Variants in DPF2 observed in about 807,000 individuals in gnomAD.
DPF2 encodes zinc finger protein ubi-d4.
Under a neutral mutation model 59.6 loss-of-function variants are expected in DPF2, and 10 were observed. The ratio of observed to expected loss-of-function variants is 0.17; its 90% CI spans 0.10 to 0.28. DPF2 has a LOEUF of 0.28. DPF2 is among the 10% of genes least tolerant of loss of function. The pLI is 1.00. For synonymous variants in DPF2, 189 were observed against 190.6 expected (o/e 0.99, Z 0.07); for missense variants, 315 against 509.4 (o/e 0.62, Z 3.67).
At chr11:65,349,037 G>A in intron 10 of DPF2, 106 bp downstream of exon 10, 1 of 1,322,390 alleles carries the variant, frequency 7.6e-7, no homozygotes, top group Non-Finnish European at 1.1e-6. Context: ...TTCCAAATTA[G>A]GGAGTAAAGC....
At chr11:65,344,496 G>C in intron 6 of DPF2, 1 of 1,407,494 alleles carries the variant, frequency 7.1e-7, no homozygotes, top group Non-Finnish European at 9.7e-7. Context: ...TTTCTCTCTC[G>C]TTTGCTCTGC....
At chr11:65,351,104 G>A (rs4647593) in intron 10 of DPF2, among the ~76,000 whole-genome samples, 3,091 of 152,150 alleles carry the variant, frequency 0.02, 123 homozygotes, top group African/African-American at 0.07. Context: ...TTGACCTTTG[G>A]GTTAGAAAGG....
At position 65,340,508 on chromosome 11, in the gene DPF2, T is replaced by C. The variant is rs751814026; in HGVS notation, c.156T>C (p.Asn52=). Residue 52 remains asparagine, a synonymous_variant, in exon 2 of 11, where the codon AAT becomes AAC. Coordinates refer to ENST00000528416, the MANE Select transcript of DPF2 (RefSeq NM_006268.5). The part of the protein sequence containing the change: ...LDSQTGVAQS[N]CYIWMEKRHR... The stretch of plus-strand genomic sequence containing the variant: ...CACAGACCGGAGTAGCCCAGAGCAA[T>C]TGTTACATCTGGATGGAAAAGCGAC... 3.1e-6 allele frequency: 5 copies of C among 1,614,130 alleles called. No homozygotes were observed. The East Asian group carries it at 8.9e-5, about 29-fold the overall frequency.
At chr11:65,346,200 C>T (rs771389355) in intron 8 of DPF2, 47 bp from the exon 9 acceptor site, 3 of 1,600,360 alleles carry the variant, frequency 1.9e-6, no homozygotes, top group South Asian at 1.1e-5. Context: ...CTCCTCTCTT[C>T]CCCCCGCATT....
At chr11:65,343,255 C>T (rs1050911935) in intron 4 of DPF2, among the ~76,000 whole-genome samples, 7 of 146,438 alleles carry the variant, frequency 4.8e-5, no homozygotes, top group East Asian at 2.0e-4. Flanking sequence ...GCCAGTATTG[C>T]GCCATTGCAC....
intron 1 of DPF2, among the ~76,000 whole-genome samples, chr11:65,340,101 A>C (rs553701639): frequency 1.3e-5 from 2 of 152,320 alleles, no homozygotes; most frequent in Non-Finnish European, 2.9e-5. Context: ...AGACACGTGG[A>C]GTGAACATTC....
At position 65,352,725 on chromosome 11, in the gene DPF2, A is replaced by G. The variant is rs1854752414; in HGVS notation, c.*966A>G. 1 of 152,604 alleles carries G rather than the reference A, an allele frequency of 6.6e-6. No individual in the cohort carries two copies. Among genetic ancestry groups the G allele is most frequent in the African/African-American group, 2.4e-5 (1 of 41,426 alleles). The allele number at this position is 152,604 out of a possible 1,614,324, so 9.5% of individuals were successfully genotyped here. A position where few individuals can be genotyped will look rare whatever the true frequency, so the allele number is the denominator to read the frequency against. On this transcript the variant is annotated 3_prime_UTR_variant, in exon 11 of 11. Coordinates refer to ENST00000528416, the MANE Select transcript of DPF2 (RefSeq NM_006268.5). ...CTCAGCTCATGGGGAAGCCACATAG[A>G]CATCCCTTTCTTCCCTTGCACGCTC...
Position 65,344,317 on chromosome 11 carries a change from A to G in DPF2, c.637+248A>G, listed in dbSNP as rs568736235. 1.8e-4 allele frequency: 108 copies of G among 614,812 alleles called. 1 individual carries two copies. The Admixed American group carries it at 2.6e-3, about 15-fold the overall frequency. The allele number at this position is 614,812 out of a possible 1,614,324, so 38.1% of individuals were successfully genotyped here. A position where few individuals can be genotyped will look rare whatever the true frequency, so the allele number is the denominator to read the frequency against. ...GGGTAGGGTTGCTTGTGGGGGCCAC[A>G]GCAGGCAGGGTTGGCCTCTCAACAG... is the stretch of plus-strand genomic sequence containing the variant. On this transcript the variant is annotated intron_variant, in intron 6 of 10. Transcript: ENST00000528416.
chr11:65,343,299 C>CAAAAAAAAAAAAAA (rs529933254), intron 4 of DPF2, among the ~76,000 whole-genome samples: 1 of 58,024 alleles, frequency 1.7e-5, no homozygotes, highest in East Asian at 6.3e-4. Flanking sequence ...AACTCTGTCT[C>CAAAAAAAAAAAAAA]AAAAAAAAAA....
At chr11:65,350,354 C>CT (rs1457332776) in intron 10 of DPF2, among the ~76,000 whole-genome samples, 2 of 148,632 alleles carry the variant, frequency 1.3e-5, no homozygotes, top group African/African-American at 5.0e-5. Context: ...TTTCTTTTCT[C>CT]TTTTTCTTTT....
chr11:65,344,807 C>A (rs1019243655), intron 6 of DPF2: 10 of 661,060 alleles, frequency 1.5e-5, no homozygotes, highest in Non-Finnish European at 2.5e-5. Flanking sequence ...TTTACCACTG[C>A]TTGTTTCCCA....
At position 65,346,372 on chromosome 11, in the gene DPF2, GC is replaced by G; in HGVS notation, c.1017+18del. On this transcript the variant is annotated intron_variant, in intron 9 of 10. Transcript: ENST00000528416. ...CTCCGAGAATGACGTGTGTATCCCCGCCCCCTCCTCAGCATGGCTCCTTCTG... is the reference window on the plus strand; with the variant it reads ...CTCCGAGAATGACGTGTGTATCCCCGCCCCTCCTCAGCATGGCTCCTTCTG... 6.2e-7 allele frequency: 1 copy of G among 1,604,972 alleles called. No homozygotes were observed.
chr11:65,345,503 G>A, intron 6 of DPF2, 163 bp from the exon 7 acceptor site: 1 of 965,370 alleles, frequency 1.0e-6, no homozygotes. Context: ...GATGCTCCTG[G>A]CTGAGGGGAA....
In DPF2 at chr11:65,344,000, G is replaced by A; in HGVS notation, c.568G>A (p.Val190Met). The change falls in exon 6 of 11, where the codon GTG becomes ATG. Residue 190 changes from valine to methionine, a missense_variant. Around this residue, in one of 4 missense-constraint regions of DPF2, gnomAD observed 228 missense variants for 275.3 expected, o/e 0.83. Transcript: ENST00000528416. ...RGKGKSKGKG[V>M]GSARKKLDAS... The stretch of plus-strand genomic sequence containing the variant: ...TTGCTCTTCTTGGCAGGGTAAGGGT[G>A]TGGGCAGTGCCCGTAAGAAGCTGGA... 1 of 1,614,230 alleles carries A rather than the reference G, an allele frequency of 6.2e-7. No individual in the cohort carries two copies. Among genetic ancestry groups the A allele is most frequent in the South Asian group, 1.1e-5 (1 of 91,080 alleles).
chr11:65,342,552 G>C (rs1340489504), intron 4 of DPF2, among the ~76,000 whole-genome samples: 2 of 152,190 alleles, frequency 1.3e-5, no homozygotes, highest in African/African-American at 4.8e-5. Context: ...AGCACACTTA[G>C]TCTCTGCCAA....
Position 65,341,241 on chromosome 11 carries a change from TAAGTTA to T in DPF2, c.302-157_302-152del, listed in dbSNP as rs539245948. ...CTAGAAGGGGAGACAGGTAAACAGA[TAAGTTA>T]TGGTGCCAAGTGAACTAGGGTGTCT... is the stretch of plus-strand genomic sequence containing the variant. On this transcript the variant is annotated intron_variant, in intron 3 of 10. Coordinates refer to ENST00000528416, the MANE Select transcript of DPF2 (RefSeq NM_006268.5). 2.5e-3 allele frequency among the ~76,000 whole-genome samples: 382 copies of T among 152,272 alleles called. 2 individuals carry two copies. The highest frequency in any genetic ancestry group is 8.6e-3 in the African/African-American group (357 of 41,562).
chr11:65,341,640 G>C, intron 4 of DPF2, 78 bp downstream of exon 4: 1 of 1,579,384 alleles, frequency 6.3e-7, no homozygotes, highest in Admixed American at 1.8e-5. Flanking sequence ...CTAGTTTCTA[G>C]AACTGAAACA....
intron 1 of DPF2, among the ~76,000 whole-genome samples, chr11:65,338,531 G>A (rs1037801634): frequency 2.0e-5 from 3 of 152,178 alleles, no homozygotes; most frequent in Non-Finnish European, 2.9e-5. Context: ...AGGAGCTGCC[G>A]CACTCAACCT....
Position 65,345,784 on chromosome 11 carries a change from G to C in DPF2, c.756G>C (p.Gln252His). 1.9e-6 allele frequency: 3 copies of C among 1,614,102 alleles called. No individual in the cohort carries two copies. Among genetic ancestry groups the C allele is most frequent in the Non-Finnish European group, 2.5e-6 (3 of 1,180,032 alleles). ...EDSQPPTPVS[Q>H]RSEEQKSKKG... ...CTCAACCACCCACTCCTGTTTCCCA[G>C]AGGTCTGAGGAGCAGAAATGTAAGC... The change falls in exon 7 of 11, where the codon CAG becomes CAC. Residue 252 changes from glutamine to histidine, a missense_variant. Around this residue, in one of 4 missense-constraint regions of DPF2, gnomAD observed 58 missense variants for 84.6 expected, o/e 0.69. Coordinates refer to ENST00000528416, the MANE Select transcript of DPF2 (RefSeq NM_006268.5).
Sources: gnomAD v4.1 joint callset for allele counts (sites outside exome capture counted in the v4.1 genomes callset) on GRCh38, gnomAD v4.1.1 for gene constraint, gnomAD v4.1.1 regional missense constraint, MANE v1.5 for transcripts, NCBI Gene and HGNC (gene_info 2026-07-23, HGNC 2026-07-21) for gene names.